SPOP: variants seen among roughly 807,000 people sequenced by gnomAD.
SPOP encodes speckle type BTB/POZ protein, also known as speckle-type POZ protein.
In SPOP, 11 loss-of-function variants were observed where a neutral mutation model predicts 45.6. The observed-to-expected ratio is 0.24, with a 90% CI of 0.15 to 0.40. SPOP has a LOEUF of 0.40. Among genes scored for constraint, SPOP ranks in the 10% least tolerant of loss-of-function variants. SPOP has a pLI of 1.00. For missense variants in SPOP, 152 were observed against 465.6 expected (o/e 0.33, Z 6.20); for synonymous variants, 166 against 166.3 (o/e 1.00, Z 0.01).
chr17:49,614,018 T>C (rs556029840), intron 5 of SPOP, among the ~76,000 whole-genome samples: 14 of 152,322 alleles, frequency 9.2e-5, no homozygotes, highest in Admixed American at 9.2e-4. Context: ...TAACTTCAAG[T>C]TGTAAAAGGG....
chr17:49,615,869 C>T (rs1273881285), intron 5 of SPOP, among the ~76,000 whole-genome samples: 5 of 152,146 alleles, frequency 3.3e-5, no homozygotes, highest in Non-Finnish European at 7.3e-5. Context: ...AATTTCCTGA[C>T]TCCCTGGGCA....
chr17:49,619,209 G>A lies in SPOP; in HGVS notation c.352+25C>T, dbSNP rs753491229. 1.1e-5 allele frequency: 18 copies of A among 1,613,830 alleles called. No individual in the cohort carries two copies. Among genetic ancestry groups the A allele is most frequent in the Non-Finnish European group, 1.4e-5 (16 of 1,179,806 alleles). ...AAACTTCTGGATGTGAAACTTAAGAGTTGAACAAAGAGGAGAACATTTACC... is the reference window on the plus strand; with the variant it reads ...AAACTTCTGGATGTGAAACTTAAGAATTGAACAAAGAGGAGAACATTTACC... On this transcript the variant is annotated intron_variant, in intron 4 of 9. Coordinates refer to ENST00000504102, the MANE Select transcript of SPOP (RefSeq NM_001007228.2). This position sits in a 1 kb window ranked among gnomAD's most constrained non-coding sequence, Gnocchi z 4.9.
intron 9 of SPOP, 103 bp downstream of exon 9, chr17:49,601,762 T>C: frequency 7.0e-7 from 1 of 1,433,940 alleles, no homozygotes; most frequent in South Asian, 1.3e-5. Context: ...TGCCAAAAGG[T>C]TAATGAAGCT....
At chr17:49,638,248 T>A (rs192994073) in intron 1 of SPOP, among the ~76,000 whole-genome samples, 1 of 152,176 alleles carries the variant, frequency 6.6e-6, no homozygotes, top group Admixed American at 6.5e-5. Context: ...TATTCCCTTT[T>A]GTGAGAAAAT....
chr17:49,600,543 T>C lies in SPOP; in HGVS notation c.981-21A>G, dbSNP rs192010623. ...CATGACTAGGAGAAATGTGGAGAAA[T>C]GGGTTACCAAAGGGAGTGAGCAAGG... is the stretch of plus-strand genomic sequence containing the variant. On this transcript the variant is annotated intron_variant, in intron 9 of 9. Coordinates refer to ENST00000504102, the MANE Select transcript of SPOP (RefSeq NM_001007228.2). This position sits in a 1 kb window ranked among gnomAD's most constrained non-coding sequence, Gnocchi z 4.2. 2 of 1,613,648 alleles carry C rather than the reference T, an allele frequency of 1.2e-6. No individual in the cohort carries two copies. Among genetic ancestry groups the C allele is most frequent in the East Asian group, 4.5e-5 (2 of 44,876 alleles).
intron 1 of SPOP, among the ~76,000 whole-genome samples, chr17:49,661,414 T>C (rs2072986101): frequency 6.6e-6 from 1 of 152,140 alleles, no homozygotes; most frequent in African/African-American, 2.4e-5. Flanking sequence ...TTTTCACTCA[T>C]GACATTCCTT....
intron 5 of SPOP, chr17:49,612,985 T>C (rs1306616900): frequency 6.6e-6 from 1 of 152,216 alleles, no homozygotes; most frequent in Non-Finnish European, 1.5e-5. Flanking sequence ...AGAAATTTAT[T>C]CATTTGTTTA....
At chr17:49,604,454 C>T (rs1265889226) in intron 8 of SPOP, among the ~76,000 whole-genome samples, 1 of 152,192 alleles carries the variant, frequency 6.6e-6, no homozygotes, top group Non-Finnish European at 1.5e-5. Context: ...AAAACCTCCA[C>T]TATAAACACA....
At chr17:49,648,839 G>C (rs529515222) in intron 1 of SPOP, among the ~76,000 whole-genome samples, 1 of 152,208 alleles carries the variant, frequency 6.6e-6, no homozygotes, top group African/African-American at 2.4e-5. Context: ...CTCACTGCAA[G>C]CTCCGCCTCC....
intron 5 of SPOP, among the ~76,000 whole-genome samples, chr17:49,615,214 A>G (rs2072059294): frequency 1.3e-5 from 2 of 151,986 alleles, no homozygotes; most frequent in Admixed American, 1.3e-4. Context: ...AAATTAAAAT[A>G]AAGTTAATTA....
chr17:49,613,619 G>A (rs568215606), intron 5 of SPOP, among the ~76,000 whole-genome samples: 1 of 152,310 alleles, frequency 6.6e-6, no homozygotes, highest in African/African-American at 2.4e-5. Flanking sequence ...GACACAGACA[G>A]GAACACAGCA....
At chr17:49,671,178 T>C (rs923985637) in intron 1 of SPOP, among the ~76,000 whole-genome samples, 5 of 152,078 alleles carry the variant, frequency 3.3e-5, no homozygotes, top group Admixed American at 3.3e-4. Flanking sequence ...AATCCAGCAA[T>C]GCCAGTGACA....
chr17:49,602,089 CCAT>C, intron 8 of SPOP, 82 bp from the exon 9 acceptor site: 1 of 1,505,012 alleles, frequency 6.6e-7, no homozygotes, highest in Admixed American at 1.8e-5. Context: ...TTTAGCTGTA[CCAT>C]CATATTAACT....
chr17:49,644,772 A>G (rs1370936415), intron 1 of SPOP, among the ~76,000 whole-genome samples: 1 of 152,222 alleles, frequency 6.6e-6, no homozygotes, highest in East Asian at 1.9e-4. Flanking sequence ...ACATATGTAT[A>G]TAATTTATTG....
At position 49,674,394 on chromosome 17, in the gene SPOP, T is replaced by C. The variant is rs540481939; in HGVS notation, c.-67+3539A>G. ...GCTTCAATCTCGTTACTCACTATTA[T>C]TGATCTGTTCAGGTTTTCTATTTCT... On this transcript the variant is annotated intron_variant, in intron 1 of 9. Transcript: ENST00000504102. 1.1e-4 allele frequency among the ~76,000 whole-genome samples: 16 copies of C among 152,346 alleles called. No homozygotes were observed. The South Asian group carries it at 2.5e-3, about 24-fold the overall frequency.
At chr17:49,646,811 T>C (rs1329950570) in intron 1 of SPOP, among the ~76,000 whole-genome samples, 2 of 152,186 alleles carry the variant, frequency 1.3e-5, no homozygotes, top group Non-Finnish European at 2.9e-5. Context: ...ATTAATGGGC[T>C]TGAGTTTAGA....
chr17:49,673,255 C>G (rs1269211618), intron 1 of SPOP, among the ~76,000 whole-genome samples: 1 of 152,126 alleles, frequency 6.6e-6, no homozygotes, highest in Non-Finnish European at 1.5e-5. Context: ...CCTGTAATCC[C>G]AGCACTTTGG....
Position 49,611,298 on chromosome 17 carries a change from G to A in SPOP, c.640C>T (p.His214Tyr). 1 of 1,614,084 alleles carries A rather than the reference G, an allele frequency of 6.2e-7. No homozygotes were observed. Among genetic ancestry groups the A allele is most frequent in the Non-Finnish European group, 8.5e-7 (1 of 1,179,990 alleles). ...TACCAACCTGCTAAGATAGCCTTGTGAGCCTGGAATTCCTGGCCGGCAACA... is the reference window on the plus strand; with the variant it reads ...TACCAACCTGCTAAGATAGCCTTGTAAGCCTGGAATTCCTGGCCGGCAACA... Reference protein sequence around the residue: ...LCVAGQEFQAHKAILAARSPV... With the variant: ...LCVAGQEFQAYKAILAARSPV... Residue 214 changes from histidine to tyrosine, a missense_variant, in exon 6 of 10, where the codon CAC becomes TAC. Transcript: ENST00000504102.
intron 1 of SPOP, among the ~76,000 whole-genome samples, chr17:49,635,858 T>G (rs2072533662): frequency 6.6e-6 from 1 of 152,078 alleles, no homozygotes; most frequent in East Asian, 1.9e-4. Flanking sequence ...GGTCTCAAAC[T>G]CCTGGCCTCA....
Sources: allele counts gnomAD v4.1 joint callset (sites outside exome capture counted in the v4.1 genomes callset), GRCh38; gene constraint gnomAD v4.1.1; non-coding constraint Gnocchi (gnomAD v3.1); transcripts MANE v1.5; gene names NCBI Gene and HGNC (gene_info 2026-07-23, HGNC 2026-07-21).